The following UBXN2A variants were observed in gnomAD, a reference collection of about 807,000 sequenced individuals.
The protein encoded by UBXN2A is UBX domain-containing protein 2A.
A neutral mutation model predicts 28.4 loss-of-function variants in UBXN2A; 28 were observed. The observed-to-expected ratio is 0.99, with a 90% CI of 0.73 to 1.35. UBXN2A has a LOEUF of 1.35. Ranked by LOEUF, UBXN2A falls within the 40% of genes most tolerant of loss-of-function variation. The probability of loss-of-function intolerance (pLI) is 0.00; values close to 1 mark genes in which losing one functional copy is unlikely to be tolerated. For missense variants in UBXN2A, 253 were observed against 297.9 expected (o/e 0.85, Z 1.11); for synonymous variants, 97 against 103.6 (o/e 0.94, Z 0.39).
Position 23,993,109 on chromosome 2 carries a change from T to C in UBXN2A, c.585-6563T>C, listed in dbSNP as rs116617295. 3.5e-3 allele frequency among the ~76,000 whole-genome samples: 526 copies of C among 152,326 alleles called. 3 individuals carry two copies. Among genetic ancestry groups the C allele is most frequent in the Non-Finnish European group, 6.0e-3 (408 of 68,032 alleles). The stretch of plus-strand genomic sequence containing the variant: ...GGAATCACACAACTGATTATCATAA[T>C]AATAGAAGAAGCACAAGTTTGAAAT... On this transcript the variant is annotated intron_variant, in intron 6 of 6. Coordinates refer to ENST00000309033, the MANE Select transcript of UBXN2A (RefSeq NM_181713.4).
At chr2:23,993,322 T>G (rs1302146095) in intron 6 of UBXN2A, among the ~76,000 whole-genome samples, 2 of 152,312 alleles carry the variant, frequency 1.3e-5, no homozygotes, top group South Asian at 4.1e-4. Flanking sequence ...TAGCTTTTTT[T>G]CCCCCTAAAT....
chr2:23,999,549 TGAC>T, intron 6 of UBXN2A, 120 bp from the exon 7 acceptor site: 1 of 1,089,734 alleles, frequency 9.2e-7, no homozygotes, highest in Non-Finnish European at 1.3e-6. Context: ...GCATCCTGGG[TGAC>T]AAAGCAAGAC....
At chr2:23,941,026 G>A (rs1705730325) in intron 1 of UBXN2A, among the ~76,000 whole-genome samples, 1 of 152,202 alleles carries the variant, frequency 6.6e-6, no homozygotes, top group African/African-American at 2.4e-5. Flanking sequence ...GTGATACAAA[G>A]TATGCCTATT....
intron 3 of UBXN2A, among the ~76,000 whole-genome samples, chr2:23,974,771 A>C (rs1423633057): frequency 6.6e-6 from 1 of 152,212 alleles, no homozygotes; most frequent in African/African-American, 2.4e-5. Flanking sequence ...TGAGGCCAGG[A>C]GTTCAAGACC....
intron 1 of UBXN2A, among the ~76,000 whole-genome samples, chr2:23,931,716 C>T (rs1438554405): frequency 6.6e-6 from 1 of 152,140 alleles, no homozygotes; most frequent in East Asian, 1.9e-4. Flanking sequence ...CTTTTCTCTG[C>T]GTGAAGAAAT....
chr2:23,940,250 C>T (rs898544351), upstream of UBXN2A, among the ~76,000 whole-genome samples: 1 of 152,054 alleles, frequency 6.6e-6, no homozygotes, highest in African/African-American at 2.4e-5. Flanking sequence ...GGTAAGCACA[C>T]TCTGGGTTCT....
intron 2 of UBXN2A, among the ~76,000 whole-genome samples, chr2:23,969,343 C>T (rs1159761351): frequency 2.0e-5 from 3 of 151,982 alleles, no homozygotes; most frequent in African/African-American, 7.2e-5. Context: ...TTGCGATAAG[C>T]CTGGACAGCA....
At chr2:23,928,583 A>T (rs527569446) in intron 1 of UBXN2A, among the ~76,000 whole-genome samples, 12 of 152,330 alleles carry the variant, frequency 7.9e-5, no homozygotes, top group South Asian at 2.1e-4. Flanking sequence ...TCTCAAAAAA[A>T]AAAAAATAAA....
At position 23,952,752 on chromosome 2, in the gene UBXN2A, T is replaced by C. The variant is rs572159288; in HGVS notation, c.-14-5549T>C. Among the ~76,000 whole-genome samples the C allele has an allele frequency of 3.3e-5, 5 of 152,280 alleles. No individual in the cohort carries two copies. In the East Asian group the frequency reaches 9.6e-4, roughly 29 times the overall value. ...GCTACCACACACAGCCAAATTTTTGTATTTTTTGTAGAGATGGGGTCTGGC... is the reference window on the plus strand; with the variant it reads ...GCTACCACACACAGCCAAATTTTTGCATTTTTTGTAGAGATGGGGTCTGGC... On this transcript the variant is annotated intron_variant, in intron 1 of 6. Transcript: ENST00000309033.
At chr2:23,944,419 C>T in intron 1 of UBXN2A, 1 of 1,061,344 alleles carries the variant, frequency 9.4e-7, no homozygotes. Flanking sequence ...GTTTGTCAGT[C>T]TTATCTCCAC....
intron 2 of UBXN2A, chr2:23,969,138 G>T (rs1270276455): frequency 2.6e-5 from 4 of 152,030 alleles, no homozygotes; most frequent in African/African-American, 9.7e-5. Flanking sequence ...TGATCCGCCT[G>T]CCTCAGCCTC....
intron 6 of UBXN2A, among the ~76,000 whole-genome samples, chr2:23,998,687 T>C (rs747053873): frequency 3.0e-4 from 46 of 152,182 alleles, no homozygotes; most frequent in Non-Finnish European, 6.0e-4. Flanking sequence ...CGCCGCTGCA[T>C]TCCAGCCCAG....
intron 1 of UBXN2A, among the ~76,000 whole-genome samples, chr2:23,947,970 T>C (rs905738883): frequency 6.6e-6 from 1 of 151,938 alleles, no homozygotes; most frequent in African/African-American, 2.4e-5. Context: ...TTCTCCTGCC[T>C]CAGCCTCCCA....
rs779351325 is a variant in UBXN2A, at chr2:23,982,944, CGTTAAA to C, written c.340_345del (p.Lys114_Val115del). 7 of 1,609,942 alleles carry C rather than the reference CGTTAAA, an allele frequency of 4.3e-6. No individual in the cohort carries two copies. Among genetic ancestry groups the C allele is most frequent in the South Asian group, 3.3e-5 (3 of 90,288 alleles). On this transcript the variant is annotated inframe_deletion, in exon 5 of 7. Coordinates refer to ENST00000309033, the MANE Select transcript of UBXN2A (RefSeq NM_181713.4). ...GAATTTTTGATAAAGAAGAGGTGGA[CGTTAAA>C]GTTGAAGACAAGAAAAATGAAATAT...
chr2:23,973,402 G>T (rs4665650), intron 3 of UBXN2A, among the ~76,000 whole-genome samples: 1 of 148,964 alleles, frequency 6.7e-6, no homozygotes, highest in Non-Finnish European at 1.5e-5. Flanking sequence ...GCAGTGGTGC[G>T]ATCTCTGCTC....
intron 1 of UBXN2A, among the ~76,000 whole-genome samples, chr2:23,947,412 G>A (rs184596509): frequency 1.3e-5 from 2 of 152,310 alleles, no homozygotes; most frequent in East Asian, 3.9e-4. Context: ...GAAGAAAAAT[G>A]AAGGCAGTTC....
rs769897641 is a variant in UBXN2A at position 23,999,695 on chromosome 2, T to C, written c.608T>C (p.Ile203Thr). The C allele has an allele frequency of 6.2e-6, 10 of 1,613,650 alleles. No homozygotes were observed. The highest frequency in any genetic ancestry group is 5.5e-5 in the South Asian group (5 of 90,970). The change falls in exon 7 of 7, where the codon ATT becomes ACT. Residue 203 changes from isoleucine (I) to threonine (T), a missense_variant. Physicochemically the swap from Ile to Thr is moderately conservative, Grantham distance 89. Transcript: ENST00000309033. ...THRVSHIKDFIEKYQGSQRSP... is the reference protein window; with the variant it reads ...THRVSHIKDFTEKYQGSQRSP... ...AGAGTAAGCCATATCAAAGACTTCA[T>C]TGAAAAATACCAAGGATCTCAAAGA...
chr2:23,928,538 C>T (rs1213689584), intron 1 of UBXN2A, among the ~76,000 whole-genome samples: 1 of 151,572 alleles, frequency 6.6e-6, no homozygotes, highest in African/African-American at 2.4e-5. Flanking sequence ...GATCGTGCCA[C>T]TGCACTCCAG....
chr2:23,935,284 G>C (rs905861217), intron 1 of UBXN2A, among the ~76,000 whole-genome samples: 1 of 152,000 alleles, frequency 6.6e-6, no homozygotes, highest in African/African-American at 2.4e-5. Context: ...AAAGTGAAAA[G>C]ACAATTCACA....
Sources: allele counts gnomAD v4.1 joint callset (sites outside exome capture counted in the v4.1 genomes callset), GRCh38; gene constraint gnomAD v4.1.1; transcripts MANE v1.5; gene names NCBI Gene and HGNC (gene_info 2026-07-23, HGNC 2026-07-21).